THSD7B: variants seen among roughly 807,000 people sequenced by gnomAD.
THSD7B encodes thrombospondin type 1 domain containing 7B.
A neutral mutation model predicts 213.6 loss-of-function variants in THSD7B; 138 were observed. The observed-to-expected ratio is 0.65, with a 90% CI of 0.56 to 0.74. The LOEUF (loss-of-function observed/expected upper bound fraction) is 0.74, where lower values mean the gene tolerates loss of function less well. Among genes scored for constraint, THSD7B ranks in the 30% least tolerant of loss-of-function variants. The pLI, the probability that THSD7B is intolerant of heterozygous loss-of-function variation, is 0.00. For synonymous variants in THSD7B, 742 were observed against 687.0 expected (o/e 1.08, Z -1.25); for missense variants, 1,931 against 1,991.5 (o/e 0.97, Z 0.58).
At chr2:137,017,461 T>C (rs1380860182) in intron 2 of THSD7B, among the ~76,000 whole-genome samples, 1 of 151,950 alleles carries the variant, frequency 6.6e-6, no homozygotes, top group Non-Finnish European at 1.5e-5. Flanking sequence ...TCAAGTGAGG[T>C]TGAAAGAGGG....
intron 1 of THSD7B, among the ~76,000 whole-genome samples, chr2:136,797,967 T>C (rs906461455): frequency 1.3e-5 from 2 of 151,944 alleles, no homozygotes; most frequent in African/African-American, 4.8e-5. Context: ...ACAAGTCACT[T>C]TCTCACTACT....
At chr2:137,638,328 A>G (rs1426204874) in intron 20 of THSD7B, among the ~76,000 whole-genome samples, 2 of 152,100 alleles carry the variant, frequency 1.3e-5, no homozygotes, top group African/African-American at 4.8e-5. Context: ...AAGTCTCATG[A>G]GATATGATGG....
At chr2:137,380,603 G>A (rs1002209930) in intron 12 of THSD7B, among the ~76,000 whole-genome samples, 1 of 152,238 alleles carries the variant, frequency 6.6e-6, no homozygotes, top group Non-Finnish European at 1.5e-5. Context: ...AAGGGGTTAT[G>A]TGTGAGGGGT....
intron 14 of THSD7B, among the ~76,000 whole-genome samples, chr2:137,421,351 G>T (rs1263807561): frequency 6.6e-6 from 1 of 152,180 alleles, no homozygotes; most frequent in African/African-American, 2.4e-5. Context: ...CCAGGCACCA[G>T]TTGCAACTCT....
Position 137,359,491 on chromosome 2 carries a change from A to G in THSD7B, c.2501-46122A>G, listed in dbSNP as rs1490267945. On this transcript the variant is annotated intron_variant, in intron 12 of 27. Transcript: ENST00000409968. ...AGTGAAGTCCAACTGTAGTGCTACC[A>G]AGGAAAACTACCAAGAGGGGTATGG... is the stretch of plus-strand genomic sequence containing the variant. 2.0e-5 allele frequency among the ~76,000 whole-genome samples: 3 copies of G among 152,178 alleles called. 1 individual carries two copies. The highest frequency in any genetic ancestry group is 4.4e-5 in the Non-Finnish European group (3 of 68,024).
At chr2:136,773,037 A>T (rs150829210) in intron 1 of THSD7B, among the ~76,000 whole-genome samples, 115 of 152,264 alleles carry the variant, frequency 7.6e-4, no homozygotes, top group African/African-American at 2.6e-3. Context: ...ATTTTTACTC[A>T]TTCCAGGAAT....
intron 2 of THSD7B, among the ~76,000 whole-genome samples, chr2:136,968,537 C>G (rs1175360174): frequency 6.6e-6 from 1 of 152,008 alleles, no homozygotes; most frequent in East Asian, 1.9e-4. Flanking sequence ...ATATATGATG[C>G]AAATATATTT....
chr2:137,611,840 G>A (rs755877593), intron 17 of THSD7B, among the ~76,000 whole-genome samples: 8 of 152,044 alleles, frequency 5.3e-5, no homozygotes, highest in East Asian at 1.9e-4. Context: ...CTTTTAAAGC[G>A]TAATTGTAAG....
intron 15 of THSD7B, among the ~76,000 whole-genome samples, chr2:137,524,558 A>G (rs994250379): frequency 3.6e-4 from 55 of 152,200 alleles, no homozygotes; most frequent in African/African-American, 1.3e-3. Flanking sequence ...CTAATGTTAC[A>G]GAGTCAACTG....
chr2:137,399,385 G>C (rs544574868), intron 12 of THSD7B, among the ~76,000 whole-genome samples: 1 of 151,926 alleles, frequency 6.6e-6, no homozygotes, highest in Admixed American at 6.6e-5. Context: ...TAGAGATGGG[G>C]TTTCACCATG....
chr2:136,881,149 T>C (rs908695705), intron 1 of THSD7B, among the ~76,000 whole-genome samples: 1 of 152,152 alleles, frequency 6.6e-6, no homozygotes, highest in Non-Finnish European at 1.5e-5. Context: ...TCAAATATTA[T>C]CTTGTGTGAG....
At chr2:136,807,553 CTGG>C (rs1411022250) in intron 1 of THSD7B, among the ~76,000 whole-genome samples, 4 of 125,934 alleles carry the variant, frequency 3.2e-5, no homozygotes, top group African/African-American at 1.2e-4. Context: ...ATCGCCCAGG[CTGG>C]AGTGCAGTGG....
At chr2:137,546,444 TTATATATATATTATATATAATA>T (rs1481143516) in intron 15 of THSD7B, among the ~76,000 whole-genome samples, 1,079 of 28,366 alleles carry the variant, frequency 0.038, 253 homozygotes, top group African/African-American at 0.2. Context: ...ATTATATATA[TTATATATATATTATATATAATA>T]TATATATATA....
intron 5 of THSD7B, among the ~76,000 whole-genome samples, chr2:137,121,013 G>T (rs1349471228): frequency 6.6e-6 from 1 of 152,174 alleles, no homozygotes. Flanking sequence ...AGTCCAAAGT[G>T]AGATTGGTTT....
intron 2 of THSD7B, among the ~76,000 whole-genome samples, chr2:137,004,703 A>G (rs917321201): frequency 4.6e-5 from 7 of 152,232 alleles, no homozygotes; most frequent in African/African-American, 1.7e-4. Flanking sequence ...TAAAATAATC[A>G]GATAGCTATT....
At position 137,160,485 on chromosome 2, in the gene THSD7B, C is replaced by A. The variant is rs542828808; in HGVS notation, c.1525+117C>A. 7 of 1,297,090 alleles carry A rather than the reference C, an allele frequency of 5.4e-6. No homozygotes were observed. In the Admixed American group the frequency reaches 1.3e-4, roughly 24 times the overall value. The allele number at this position is 1,297,090 out of a possible 1,614,324, so 80.3% of individuals were successfully genotyped here. A position where few individuals can be genotyped will look rare whatever the true frequency, so the allele number is the denominator to read the frequency against. ...ATATTTGTTTGTAAAATTTAGATAA[C>A]CAGCTCAAGCCTAACGGTATTCAGT... On this transcript the variant is annotated intron_variant, in intron 6 of 27. Transcript: ENST00000409968.
intron 15 of THSD7B, among the ~76,000 whole-genome samples, chr2:137,462,892 GA>G: frequency 6.6e-6 from 1 of 151,986 alleles, no homozygotes. Flanking sequence ...AATAAGGAAA[GA>G]AAAAAATTGT....
intron 15 of THSD7B, among the ~76,000 whole-genome samples, chr2:137,554,001 T>C (rs1022589351): frequency 1.3e-5 from 2 of 150,074 alleles, no homozygotes; most frequent in Non-Finnish European, 2.9e-5. Flanking sequence ...AGGAGACATT[T>C]TTCACGATTC....
intron 15 of THSD7B, among the ~76,000 whole-genome samples, chr2:137,457,932 C>A (rs1212332349): frequency 6.6e-6 from 1 of 152,042 alleles, no homozygotes; most frequent in African/African-American, 2.4e-5. Context: ...TTTAGTCCAC[C>A]CCTAAATAAA....
Sources: allele counts gnomAD v4.1 joint callset (sites outside exome capture counted in the v4.1 genomes callset), GRCh38; gene constraint gnomAD v4.1.1; transcripts MANE v1.5; gene names NCBI Gene and HGNC (gene_info 2026-07-23, HGNC 2026-07-21).